TECRL: variants seen among roughly 807,000 people sequenced by gnomAD.
TECRL encodes the protein trans-2,3-enoyl-CoA reductase like, also known as trans-2,3-enoyl-CoA reductase-like.
In TECRL, 63 loss-of-function variants were observed where a neutral mutation model predicts 52.8. The ratio of observed to expected loss-of-function variants is 1.19; its 90% confidence interval spans 0.97 to 1.47. The LOEUF (loss-of-function observed/expected upper bound fraction) is 1.47, where lower values mean the gene tolerates loss of function less well. Ranked by LOEUF, TECRL falls within the 40% of genes most tolerant of loss-of-function variation. The pLI, the probability that TECRL is intolerant of heterozygous loss-of-function variation, is 0.00. For synonymous variants in TECRL, 164 were observed against 141.9 expected, an observed-to-expected ratio of 1.16 and a Z score of -1.10; for missense variants, 482 against 429.6, an observed-to-expected ratio of 1.12 and a Z score of -1.08.
intron 10 of TECRL, 130 bp from the exon 11 acceptor site, chr4:64,281,216 A>G: frequency 1.7e-6 from 1 of 605,002 alleles, no homozygotes; most frequent in Non-Finnish European, 2.8e-6. Context: ...ATTTTCAAGA[A>G]ATAATAATTT....
chr4:64,368,588 C>T (rs536296335), intron 2 of TECRL, among the ~76,000 whole-genome samples: 1 of 152,286 alleles, frequency 6.6e-6, no homozygotes, highest in East Asian at 1.9e-4. Flanking sequence ...GCCACTGTGC[C>T]CAGCCCTCAT....
At chr4:64,337,532 C>A (rs1188760727) in intron 2 of TECRL, among the ~76,000 whole-genome samples, 2 of 152,144 alleles carry the variant, frequency 1.3e-5, no homozygotes, top group Non-Finnish European at 2.9e-5. Context: ...AAAACCCCAT[C>A]ATCTCAGCCC....
At chr4:64,320,274 A>C (rs1717808450) in intron 4 of TECRL, among the ~76,000 whole-genome samples, 1 of 151,936 alleles carries the variant, frequency 6.6e-6, no homozygotes, top group Admixed American at 6.6e-5. Context: ...TCTTAATTTT[A>C]ACCTTGCTAA....
In TECRL at chr4:64,328,552, T is replaced by G; in HGVS notation, c.291A>C (p.Pro97=). 6.2e-7 allele frequency: 1 copy of G among 1,610,648 alleles called. No homozygotes were observed. The highest frequency in any genetic ancestry group is 8.5e-7 in the Non-Finnish European group (1 of 1,177,868). ...GACCAACTCGAGAAGGGTACCACTT[T>G]GGACCTATTCAATGAAAAATAACAT... The part of the protein sequence containing the change: ...DVKQKFHKAC[P]KWYPSRVGLQ... The change falls in exon 3 of 12, where the codon CCA becomes CCC. Residue 97 remains proline (P), a synonymous_variant. Coordinates refer to ENST00000381210, the MANE Select transcript of TECRL (RefSeq NM_001010874.5).
chr4:64,335,735 C>T (rs917146409), intron 2 of TECRL, among the ~76,000 whole-genome samples: 1 of 152,130 alleles, frequency 6.6e-6, no homozygotes, highest in Non-Finnish European at 1.5e-5. Flanking sequence ...ATTTATATTT[C>T]ATAATAAATT....
At position 64,280,133 on chromosome 4, in the gene TECRL, T is replaced by A. The variant is rs1406707006; in HGVS notation, c.1031A>T (p.Tyr344Phe). ...SLWAQKKHKI[Y>F]LRKFNSYIHR... is the part of the protein sequence containing the mutation. ...AATATATGAATTGAATTTTCTCAGATAAATCTTATGTTTCTTTTGTGCCCA... is the reference window on the plus strand; with the variant it reads ...AATATATGAATTGAATTTTCTCAGAAAAATCTTATGTTTCTTTTGTGCCCA... Residue 344 changes from tyrosine (Y) to phenylalanine (F), a missense_variant, in exon 12 of 12, where the codon TAT (tyrosine) becomes TTT (phenylalanine). Coordinates refer to ENST00000381210, the MANE Select transcript of TECRL (RefSeq NM_001010874.5). The A allele has an allele frequency of 5.6e-6, 9 of 1,604,532 alleles. No homozygotes were observed. In the Admixed American group the frequency reaches 1.2e-4, roughly 21 times the overall value.
chr4:64,356,862 T>C (rs1720813198), intron 2 of TECRL, among the ~76,000 whole-genome samples: 1 of 152,164 alleles, frequency 6.6e-6, no homozygotes, highest in African/African-American at 2.4e-5. Context: ...GGGGCTGGGC[T>C]CCTTCAACAA....
At chr4:64,377,846 T>C (rs1316738629) in intron 1 of TECRL, among the ~76,000 whole-genome samples, 1 of 152,110 alleles carries the variant, frequency 6.6e-6, no homozygotes, top group Non-Finnish European at 1.5e-5. Context: ...TTTAAAACCG[T>C]ATTTTAGCCA....
chr4:64,405,900 C>T (rs1039163971), intron 1 of TECRL, among the ~76,000 whole-genome samples: 1 of 151,856 alleles, frequency 6.6e-6, no homozygotes, highest in Non-Finnish European at 1.5e-5. Context: ...GTTGATATAC[C>T]CAGTAAGATA....
chr4:64,311,925 C>A (rs1577850350), intron 5 of TECRL, among the ~76,000 whole-genome samples: 1 of 152,248 alleles, frequency 6.6e-6, no homozygotes, highest in South Asian at 2.1e-4. Context: ...ACAGCTTCAA[C>A]TTTACAAATA....
At chr4:64,384,894 C>T (rs1038575700) in intron 1 of TECRL, among the ~76,000 whole-genome samples, 3 of 152,162 alleles carry the variant, frequency 2.0e-5, no homozygotes, top group Non-Finnish European at 4.4e-5. Context: ...CTTCAGTTCT[C>T]CCCAATGTTA....
In TECRL at chr4:64,304,945, C is replaced by G. The variant is rs972481031; in HGVS notation, c.730+221G>C. 1.2e-5 allele frequency: 4 copies of G among 343,716 alleles called. No individual in the cohort carries two copies. In the East Asian group the frequency reaches 1.3e-4, roughly 11 times the overall value. The allele number at this position is 343,716 out of a possible 1,614,324, so 21.3% of individuals were successfully genotyped here. ...AGCTGTTTTTTTGGAGGTTTACAACCTACTAATATTTTTGGTGGTTCGTGT... is the reference window on the plus strand; with the variant it reads ...AGCTGTTTTTTTGGAGGTTTACAACGTACTAATATTTTTGGTGGTTCGTGT... On this transcript the variant is annotated intron_variant, in intron 7 of 11. Coordinates refer to ENST00000381210, the MANE Select transcript of TECRL (RefSeq NM_001010874.5).
At chr4:64,331,353 T>G (rs1284096713) in intron 2 of TECRL, among the ~76,000 whole-genome samples, 2 of 152,126 alleles carry the variant, frequency 1.3e-5, no homozygotes, top group Non-Finnish European at 2.9e-5. Flanking sequence ...CTAATGGTGA[T>G]CTCAAGCTGT....
rs146384324 is a variant in TECRL at position 64,322,409 on chromosome 4, T to C, written c.435+280A>G. ...GGACCTAGACCGAACCTCTGGTATT[T>C]TGGTAACAAAGTTGAAGCTCCCAGT... On this transcript the variant is annotated intron_variant, in intron 4 of 11. Transcript: ENST00000381210. Among the ~76,000 whole-genome samples the C allele has an allele frequency of 2.6e-4, 39 of 151,136 alleles. No individual in the cohort carries two copies. In the East Asian group the frequency reaches 7.4e-3, roughly 29 times the overall value.
chr4:64,329,273 G>A (rs1718467523), intron 2 of TECRL, among the ~76,000 whole-genome samples: 1 of 151,778 alleles, frequency 6.6e-6, no homozygotes, highest in Non-Finnish European at 1.5e-5. Context: ...TTAACTTTGA[G>A]ATTAAACTTT....
intron 2 of TECRL, among the ~76,000 whole-genome samples, chr4:64,333,738 T>G (rs184653783): frequency 6.7e-6 from 1 of 149,354 alleles, no homozygotes; most frequent in Non-Finnish European, 1.5e-5. Context: ...GAGAATGTCC[T>G]GGCCGGGCGC....
At chr4:64,295,460 T>C (rs563423967) in intron 8 of TECRL, among the ~76,000 whole-genome samples, 1 of 151,620 alleles carries the variant, frequency 6.6e-6, no homozygotes, top group East Asian at 1.9e-4. Flanking sequence ...ACTATGATGG[T>C]CCATTTCATT....
chr4:64,406,153 C>CGG (rs555535266), intron 1 of TECRL, among the ~76,000 whole-genome samples: 2 of 99,512 alleles, frequency 2.0e-5, no homozygotes, highest in Admixed American at 2.2e-4. Context: ...GTTAGGCGCG[C>CGG]GCGCGCGCGC....
rs150102976 is a variant in TECRL, at chr4:64,340,204, G to C, written c.287-11648C>G. 5.5e-3 allele frequency among the ~76,000 whole-genome samples: 831 copies of C among 152,278 alleles called. 10 individuals are homozygous for C. The highest frequency in any genetic ancestry group is 0.018 in the African/African-American group (756 of 41,562). The stretch of plus-strand genomic sequence containing the variant: ...AAAGCGGGAGATTCACCCCTTATAA[G>C]TAGGGGCAGGAGTTCCCTGGGTTCT... On this transcript the variant is annotated intron_variant, in intron 2 of 11. Coordinates refer to ENST00000381210, the MANE Select transcript of TECRL (RefSeq NM_001010874.5).
Sources: allele counts gnomAD v4.1 joint callset (sites outside exome capture counted in the v4.1 genomes callset), GRCh38; gene constraint gnomAD v4.1.1; transcripts MANE v1.5; gene names NCBI Gene and HGNC (gene_info 2026-07-23, HGNC 2026-07-21).